DMD: variants seen among roughly 807,000 people sequenced by gnomAD.
DMD encodes the protein mutant dystrophin.
In DMD, 63 loss-of-function variants were observed where a neutral mutation model predicts 330.1. The observed-to-expected ratio is 0.19, with a 90% CI of 0.16 to 0.24. The LOEUF (loss-of-function observed/expected upper bound fraction) is 0.24. DMD is among the 10% of genes least tolerant of loss of function. The pLI is 1.00. For missense variants in DMD, 3,344 were observed against 2,684.1 expected (o/e 1.25, Z -5.43); for synonymous variants, 1,223 against 959.8 (o/e 1.27, Z -5.07).
chrX:32,410,357 C>T (rs1016032234), intron 30 of DMD, among the ~76,000 whole-genome samples: 1 of 111,323 alleles, frequency 9.0e-6, no homozygotes, highest in Non-Finnish European at 1.9e-5. Flanking sequence ...ACTTTTTAAG[C>T]CTATCAAAAC....
chrX:32,726,470 T>C (rs749767120), intron 7 of DMD, among the ~76,000 whole-genome samples: 1 of 111,384 alleles, frequency 9.0e-6, no homozygotes, highest in South Asian at 3.7e-4. Flanking sequence ...TTGCCAATGA[T>C]CTTGGATCTT....
intron 48 of DMD, among the ~76,000 whole-genome samples, chrX:31,843,866 T>TGTATTATATTGTATTGTATTGTATTG (rs1556935766): frequency 9.0e-6 from 1 of 110,891 alleles, no homozygotes; most frequent in African/African-American, 3.3e-5. Context: ...TGTATTGTAT[T>TGTATTATATTGTATTGTATTGTATTG]TATTTAGGGA....
chrX:31,246,726 G>T (rs2048862184), intron 63 of DMD, among the ~76,000 whole-genome samples: 2 of 111,604 alleles, frequency 1.8e-5, no homozygotes, highest in African/African-American at 6.5e-5. Context: ...AGGAGTTGGA[G>T]ACCAGCCTGG....
intron 48 of DMD, among the ~76,000 whole-genome samples, chrX:31,843,993 G>A (rs951735178): frequency 1.5e-4 from 17 of 111,249 alleles, no homozygotes; most frequent in Non-Finnish European, 1.9e-5. Flanking sequence ...CAAGTAGCTG[G>A]GATTACAGGG....
intron 9 of DMD, among the ~76,000 whole-genome samples, chrX:32,657,011 A>ATG (rs57052299): frequency 0.14 from 13,882 of 100,610 alleles, 828 homozygotes; most frequent in African/African-American, 0.21. Context: ...ACCAACTTAT[A>ATG]TGTGTGTGTG....
At chrX:32,942,121 G>GTGTGTGTGTGTGTGTGTGCA (rs1274497942) in intron 2 of DMD, among the ~76,000 whole-genome samples, 3 of 112,126 alleles carry the variant, frequency 2.7e-5, no homozygotes, top group African/African-American at 9.7e-5. Flanking sequence ...GAGTGTGTGC[G>GTGTGTGTGTGTGTGTGTGCA]TGTCTACGTG....
chrX:31,762,898 A>G (rs956621128), intron 51 of DMD, among the ~76,000 whole-genome samples: 1 of 112,625 alleles, frequency 8.9e-6, no homozygotes, highest in Non-Finnish European at 1.9e-5. Flanking sequence ...ACTTTCATTC[A>G]TCATTGACCA....
intron 47 of DMD, among the ~76,000 whole-genome samples, chrX:31,909,372 A>G (rs1316760319): frequency 1.8e-5 from 2 of 111,206 alleles, no homozygotes; most frequent in South Asian, 3.8e-4. Flanking sequence ...ATGCTTTGGG[A>G]AAGAAGGTCC....
chrX:32,403,531 T>C (rs971584141), intron 30 of DMD, among the ~76,000 whole-genome samples: 25 of 111,976 alleles, frequency 2.2e-4, no homozygotes, highest in African/African-American at 7.8e-4. Context: ...GACATAATAA[T>C]GTACAGGTTG....
intron 1 of DMD, chrX:33,086,014 T>C (rs2095000092): frequency 8.9e-6 from 1 of 112,225 alleles, no homozygotes; most frequent in Non-Finnish European, 1.9e-5. Context: ...TAACCTCTGA[T>C]TTGACTAAAA....
intron 2 of DMD, among the ~76,000 whole-genome samples, chrX:32,991,109 G>A (rs928799821): frequency 7.2e-5 from 8 of 110,598 alleles, no homozygotes; most frequent in African/African-American, 9.8e-5. Context: ...AATGCAGTAC[G>A]TTTTATCTTA....
intron 41 of DMD, among the ~76,000 whole-genome samples, chrX:32,318,766 C>T (rs977675351): frequency 9.0e-6 from 1 of 111,553 alleles, no homozygotes; most frequent in Non-Finnish European, 1.9e-5. Context: ...AGAAAATCAT[C>T]CTTTATGCCC....
rs192399144 is a variant in DMD, at chrX:31,188,905, A to C, written c.9808-6001T>G. Among the ~76,000 whole-genome samples the C allele has an allele frequency of 8.1e-4, 91 of 111,901 alleles. 1 individual carries two copies. Among genetic ancestry groups the C allele is most frequent in the Admixed American group, 7.4e-3 (78 of 10,532 alleles). On this transcript the variant is annotated intron_variant, in intron 67 of 78. Coordinates refer to ENST00000357033, the MANE Select transcript of DMD (RefSeq NM_004006.3). The stretch of plus-strand genomic sequence containing the variant: ...AAGGTACACAGACAAAGAATTCTCA[A>C]TATCTGGAATTTCTAGCAAACCGAT...
chrX:32,518,987 A>AT (rs1339579352), intron 17 of DMD, among the ~76,000 whole-genome samples: 2 of 42,746 alleles, frequency 4.7e-5, no homozygotes, highest in African/African-American at 1.6e-4. Flanking sequence ...CTATCCTGTT[A>AT]TTTTCAAACC....
chrX:31,180,362 A>C lies in DMD; in HGVS notation c.10086+8T>G. On this transcript the variant is annotated splice_region_variant and intron_variant, in intron 69 of 78. Coordinates refer to ENST00000357033, the MANE Select transcript of DMD (RefSeq NM_004006.3). ...CTAACTCTCACGTCAGGCTGGCGTC[A>C]AACTTACCGGAGTGCAATATTCCAC... 8.5e-7 allele frequency: 1 copy of C among 1,174,041 alleles called. No homozygotes were observed. Among genetic ancestry groups the C allele is most frequent in the African/African-American group, 1.8e-5 (1 of 57,043 alleles).
intron 2 of DMD, among the ~76,000 whole-genome samples, chrX:32,946,510 C>T (rs766079378): frequency 9.0e-5 from 10 of 111,676 alleles, no homozygotes; most frequent in African/African-American, 3.2e-4. Context: ...ATTCAATGTC[C>T]GATTCCTGTA....
At chrX:32,624,102 G>T (rs1217472062) in intron 11 of DMD, among the ~76,000 whole-genome samples, 1 of 111,893 alleles carries the variant, frequency 8.9e-6, no homozygotes, top group Non-Finnish European at 1.9e-5. Flanking sequence ...AATAAATTTG[G>T]AAAAATTGTC....
chrX:31,397,770 T>C (rs936182016), intron 60 of DMD, among the ~76,000 whole-genome samples: 1 of 111,997 alleles, frequency 8.9e-6, no homozygotes, highest in Non-Finnish European at 1.9e-5. Context: ...CAAGGATAAC[T>C]AGTGAGAGAT....
intron 41 of DMD, among the ~76,000 whole-genome samples, chrX:32,340,667 C>T (rs907427487): frequency 1.8e-5 from 2 of 111,863 alleles, no homozygotes; most frequent in Non-Finnish European, 3.8e-5. Context: ...AGGACTCCCC[C>T]TTGAATGATC....
Sources: allele counts gnomAD v4.1 joint callset (sites outside exome capture counted in the v4.1 genomes callset), GRCh38; gene constraint gnomAD v4.1.1; transcripts MANE v1.5; gene names NCBI Gene and HGNC (gene_info 2026-07-23, HGNC 2026-07-21).